ZPBP: variants seen among roughly 807,000 people sequenced by gnomAD.
ZPBP encodes zona pellucida binding protein, also known as zona pellucida-binding protein 1.
In ZPBP, 26 loss-of-function variants were observed where a neutral mutation model predicts 44.8. That is an observed-to-expected ratio of 0.58 (90% CI 0.43 to 0.81). ZPBP has a LOEUF of 0.81. Among genes scored for constraint, ZPBP ranks in the 30% least tolerant of loss-of-function variants. The pLI, the probability that ZPBP is intolerant of heterozygous loss-of-function variation, is 0.00. For missense variants in ZPBP, 409 were observed against 434.0 expected, an observed-to-expected ratio of 0.94 and a Z score of 0.51; for synonymous variants, 174 against 153.2, an observed-to-expected ratio of 1.14 and a Z score of -1.00.
chr7:49,940,452 C>A (rs1416082541), intron 7 of ZPBP, among the ~76,000 whole-genome samples: 2 of 151,700 alleles, frequency 1.3e-5, no homozygotes, highest in African/African-American at 4.8e-5. Flanking sequence ...CAAAAGAGTA[C>A]TCAAATTAGA....
At chr7:49,964,243 A>T (rs966689669) in intron 7 of ZPBP, among the ~76,000 whole-genome samples, 1 of 151,986 alleles carries the variant, frequency 6.6e-6, no homozygotes, top group Non-Finnish European at 1.5e-5. Context: ...AAATATAAGC[A>T]TAGCTATTCT....
chr7:49,979,505 T>C (rs1796679579), intron 7 of ZPBP, among the ~76,000 whole-genome samples: 1 of 151,872 alleles, frequency 6.6e-6, no homozygotes, highest in Non-Finnish European at 1.5e-5. Context: ...CATAATAAGT[T>C]GAGTGTAATC....
intron 5 of ZPBP, among the ~76,000 whole-genome samples, chr7:50,024,460 A>G (rs1052239163): frequency 1.2e-4 from 7 of 58,864 alleles, no homozygotes; most frequent in African/African-American, 4.6e-4. Flanking sequence ...TAAATAATGC[A>G]TTATACACAC....
At chr7:50,044,232 C>T (rs1227267424) in intron 4 of ZPBP, among the ~76,000 whole-genome samples, 1 of 152,066 alleles carries the variant, frequency 6.6e-6, no homozygotes, top group African/African-American at 2.4e-5. Context: ...AAAATTGACA[C>T]CCCAACATCA....
At chr7:50,003,784 A>C (rs1798190942) in intron 6 of ZPBP, among the ~76,000 whole-genome samples, 1 of 152,236 alleles carries the variant, frequency 6.6e-6, no homozygotes, top group African/African-American at 2.4e-5. Flanking sequence ...AAACACTCAA[A>C]TTTCAACAAA....
At chr7:50,048,708 C>T (rs1800518668) in intron 4 of ZPBP, among the ~76,000 whole-genome samples, 2 of 151,800 alleles carry the variant, frequency 1.3e-5, no homozygotes, top group South Asian at 4.1e-4. Flanking sequence ...AAATAATATG[C>T]CATAGGCATG....
chr7:49,948,061 T>C (rs992278017), intron 7 of ZPBP, among the ~76,000 whole-genome samples: 2 of 152,224 alleles, frequency 1.3e-5, no homozygotes, highest in African/African-American at 4.8e-5. Flanking sequence ...TTGTGGTGAA[T>C]GCTGCCAGTT....
chr7:50,090,621 A>ATG lies in ZPBP; in HGVS notation c.128-914_128-913dup, dbSNP rs1433762919. 8.1e-5 allele frequency among the ~76,000 whole-genome samples: 12 copies of ATG among 147,618 alleles called. No individual in the cohort carries two copies. In the East Asian group the frequency reaches 2.0e-3, roughly 24 times the overall value. The stretch of plus-strand genomic sequence containing the variant: ...TATATATGCGTATATATGTGTATAT[A>ATG]TGTGTATATATATACACACACACAT... On this transcript the variant is annotated intron_variant, in intron 1 of 7. Transcript: ENST00000046087.
intron 4 of ZPBP, among the ~76,000 whole-genome samples, chr7:50,049,561 C>T (rs1454830573): frequency 2.0e-5 from 3 of 151,718 alleles, no homozygotes; most frequent in Non-Finnish European, 4.4e-5. Flanking sequence ...ATAAAAAACA[C>T]ATTTATATTA....
chr7:50,058,290 GC>G, intron 3 of ZPBP, 149 bp from the exon 4 acceptor site: 1 of 791,094 alleles, frequency 1.3e-6, no homozygotes, highest in Non-Finnish European at 2.1e-6. Context: ...TCTGGTATCT[GC>G]TAACAGTGGA....
At chr7:49,973,823 T>C (rs556974574) in intron 7 of ZPBP, among the ~76,000 whole-genome samples, 20 of 152,280 alleles carry the variant, frequency 1.3e-4, no homozygotes, top group Admixed American at 9.2e-4. Context: ...CCTAGGTATA[T>C]ATGCAAATAT....
intron 2 of ZPBP, among the ~76,000 whole-genome samples, chr7:49,852,114 G>A (rs191103294): frequency 3.3e-5 from 5 of 152,366 alleles, no homozygotes; most frequent in African/African-American, 1.2e-4. Flanking sequence ...AGTACCACCT[G>A]TGTCTGCTTT....
chr7:50,034,869 C>G (rs963412217), intron 4 of ZPBP, among the ~76,000 whole-genome samples: 1 of 152,186 alleles, frequency 6.6e-6, no homozygotes, highest in Non-Finnish European at 1.5e-5. Flanking sequence ...GTAAAACTTT[C>G]TAAAACTAAA....
intron 4 of ZPBP, among the ~76,000 whole-genome samples, chr7:50,055,976 A>G (rs527498157): frequency 6.6e-6 from 1 of 152,358 alleles, no homozygotes; most frequent in Non-Finnish European, 1.5e-5. Context: ...TTTGCCTAAC[A>G]AAGTTAATTA....
At chr7:49,918,045 T>TACTTCATACCA (rs1793817445) in intron 1 of ZPBP, 2 of 152,216 alleles carry the variant, frequency 1.3e-5, no homozygotes, top group African/African-American at 4.8e-5. Flanking sequence ...AGTAGTTTCA[T>TACTTCATACCA]AGTTTTAAAA....
intron 4 of ZPBP, among the ~76,000 whole-genome samples, chr7:50,047,953 C>T (rs770518144): frequency 6.6e-6 from 1 of 152,116 alleles, no homozygotes; most frequent in Non-Finnish European, 1.5e-5. Flanking sequence ...AACAAGGGGA[C>T]TATTGATAAC....
intron 2 of ZPBP, among the ~76,000 whole-genome samples, chr7:49,886,746 T>A (rs1322669554): frequency 2.0e-5 from 3 of 152,240 alleles, no homozygotes; most frequent in Admixed American, 2.0e-4. Flanking sequence ...TTAAAATTAA[T>A]CTTTCGATTC....
chr7:49,866,198 C>T (rs1197986962), intron 2 of ZPBP, among the ~76,000 whole-genome samples: 1 of 152,168 alleles, frequency 6.6e-6, no homozygotes, highest in Non-Finnish European at 1.5e-5. Context: ...TCTTATCAGA[C>T]CCAGCTGGGA....
chr7:50,008,492 A>AT lies in ZPBP; in HGVS notation c.783+9747dup, dbSNP rs889769001. Among the ~76,000 whole-genome samples the AT allele has an allele frequency of 4.6e-5, 7 of 151,804 alleles. No homozygotes were observed. The East Asian group carries it at 5.8e-4, about 13-fold the overall frequency. ...CAATCCCTATCAAAATGCCAATGCC[A>AT]TTTTTTTTGCAGAAATAGAAAAACC... On this transcript the variant is annotated intron_variant, in intron 6 of 7. Coordinates refer to ENST00000046087, the MANE Select transcript of ZPBP (RefSeq NM_007009.3).
Sources: gnomAD v4.1 joint callset for allele counts (sites outside exome capture counted in the v4.1 genomes callset) on GRCh38, gnomAD v4.1.1 for gene constraint, MANE v1.5 for transcripts, NCBI Gene and HGNC (gene_info 2026-07-23, HGNC 2026-07-21) for gene names.